Variants in MEGF11 observed in about 807,000 individuals in gnomAD.
MEGF11 encodes the protein multiple epidermal growth factor-like domains protein 11.
Under a neutral mutation model 146.6 loss-of-function variants are expected in MEGF11, and 126 were observed. That is an observed-to-expected ratio of 0.86 (90% CI 0.74 to 1.00). MEGF11 has a LOEUF of 1.00. Among genes scored for constraint, MEGF11 ranks in the 50% least tolerant of loss-of-function variants. The pLI is 0.00. For synonymous variants in MEGF11, 532 were observed against 583.4 expected (o/e 0.91, Z 1.27); for missense variants, 1,509 against 1,521.2 (o/e 0.99, Z 0.13).
intron 1 of MEGF11, among the ~76,000 whole-genome samples, chr15:66,170,033 G>T (rs747897613): frequency 6.6e-6 from 1 of 151,526 alleles, no homozygotes; most frequent in East Asian, 1.9e-4. Flanking sequence ...AAAAATTCCA[G>T]AATGAAACCT....
chr15:65,965,245 G>GCCT (rs1405201108), intron 8 of MEGF11, 125 bp from the exon 9 acceptor site: 1 of 700,156 alleles, frequency 1.4e-6, no homozygotes, highest in Non-Finnish European at 2.3e-6. Context: ...GCTGCTCACA[G>GCCT]CCTCCTCCCC....
intron 4 of MEGF11, among the ~76,000 whole-genome samples, chr15:66,098,716 C>T (rs2086655431): frequency 6.6e-6 from 1 of 152,204 alleles, no homozygotes. Flanking sequence ...TTGGATTCAG[C>T]TTGGAAATAA....
intron 1 of MEGF11, among the ~76,000 whole-genome samples, chr15:66,135,493 T>C (rs918107360): frequency 6.6e-6 from 1 of 152,008 alleles, no homozygotes; most frequent in Non-Finnish European, 1.5e-5. Flanking sequence ...TAGGAGAGGG[T>C]AGTAGACCCA....
At chr15:65,932,556 G>A (rs1194502671) in intron 10 of MEGF11, among the ~76,000 whole-genome samples, 4 of 152,128 alleles carry the variant, frequency 2.6e-5, no homozygotes, top group African/African-American at 9.7e-5. Context: ...GGGGATCCAG[G>A]TAGGAAGAGG....
intron 5 of MEGF11, among the ~76,000 whole-genome samples, chr15:66,018,318 C>T (rs545115174): frequency 1.4e-4 from 21 of 152,336 alleles, no homozygotes; most frequent in African/African-American, 3.6e-4. Flanking sequence ...AGAGTCCTTC[C>T]GCCTTGCCCA....
intron 1 of MEGF11, among the ~76,000 whole-genome samples, chr15:66,149,524 G>A (rs2089487861): frequency 6.6e-6 from 1 of 152,038 alleles, no homozygotes; most frequent in Admixed American, 6.5e-5. Context: ...TCTTTCCACT[G>A]TCACACCCCC....
intron 5 of MEGF11, among the ~76,000 whole-genome samples, chr15:66,023,139 T>TGAA (rs2083211292): frequency 9.3e-5 from 1 of 10,806 alleles, no homozygotes; most frequent in Admixed American, 7.6e-4. Context: ...AGACTCCATC[T>TGAA]CAAAAAAAAA....
At chr15:66,022,109 G>A (rs2083159222) in intron 5 of MEGF11, among the ~76,000 whole-genome samples, 1 of 152,234 alleles carries the variant, frequency 6.6e-6, no homozygotes, top group Non-Finnish European at 1.5e-5. Context: ...AAAGACCCAT[G>A]CAGCGAGAAC....
chr15:65,951,687 AAAACAAAC>A (rs373886919), intron 10 of MEGF11, among the ~76,000 whole-genome samples: 3,879 of 149,842 alleles, frequency 0.026, 72 homozygotes, highest in Non-Finnish European at 0.039. Flanking sequence ...AGTCCATCTC[AAAACAAAC>A]AAACAAACAA....
intron 5 of MEGF11, among the ~76,000 whole-genome samples, chr15:66,064,302 G>C (rs1316465618): frequency 6.6e-6 from 1 of 152,036 alleles, no homozygotes; most frequent in Non-Finnish European, 1.5e-5. Context: ...CCAGGAGGTG[G>C]AGGTTACAGT....
At chr15:66,208,711 G>A (rs572226701) in intron 1 of MEGF11, among the ~76,000 whole-genome samples, 71 of 151,928 alleles carry the variant, frequency 4.7e-4, no homozygotes, top group African/African-American at 1.6e-3. Flanking sequence ...GCGAAACCCC[G>A]TCTCTACTAA....
chr15:66,102,923 T>G (rs1312424003), intron 4 of MEGF11, among the ~76,000 whole-genome samples: 1 of 152,248 alleles, frequency 6.6e-6, no homozygotes, highest in Non-Finnish European at 1.5e-5. Context: ...CAGCACTTAC[T>G]GTGTGCCACA....
chr15:65,942,974 C>CTTTTTTTTTTTT (rs58874869), intron 10 of MEGF11, among the ~76,000 whole-genome samples: 1 of 47,620 alleles, frequency 2.1e-5, no homozygotes, highest in Non-Finnish European at 3.5e-5. Flanking sequence ...AACAACTTGG[C>CTTTTTTTTTTTT]TTTTTTTTTT....
chr15:66,093,916 G>A (rs2086426192), intron 5 of MEGF11, among the ~76,000 whole-genome samples: 3 of 152,102 alleles, frequency 2.0e-5, no homozygotes, highest in South Asian at 2.1e-4. Context: ...CTGCCCCTGC[G>A]AGTGTCCTGT....
intron 22 of MEGF11, 53 bp from the exon 23 acceptor site, chr15:65,909,188 C>T (rs2078718830): frequency 7.8e-7 from 1 of 1,274,580 alleles, no homozygotes; most frequent in Non-Finnish European, 1.1e-6. Flanking sequence ...CCTGGTATAG[C>T]AGGGGAAGGG....
intron 1 of MEGF11, among the ~76,000 whole-genome samples, chr15:66,231,718 A>G (rs1050540080): frequency 3.3e-5 from 5 of 152,138 alleles, no homozygotes; most frequent in African/African-American, 1.2e-4. Flanking sequence ...AGCTATAGTG[A>G]TGCTTAATCA....
chr15:66,051,503 G>A (rs572055904), intron 5 of MEGF11, among the ~76,000 whole-genome samples: 38 of 152,326 alleles, frequency 2.5e-4, no homozygotes, highest in South Asian at 6.2e-4. Context: ...AAAAAGCACA[G>A]AGGGAAGACA....
intron 5 of MEGF11, among the ~76,000 whole-genome samples, chr15:66,008,379 T>G (rs1457072720): frequency 6.7e-6 from 1 of 148,334 alleles, no homozygotes; most frequent in Non-Finnish European, 1.5e-5. Context: ...ACTAAGTCAT[T>G]CACGATGAAA....
At chr15:66,109,613 A>T (rs892842588) in intron 4 of MEGF11, among the ~76,000 whole-genome samples, 22 of 152,236 alleles carry the variant, frequency 1.4e-4, no homozygotes, top group Admixed American at 1.4e-3. Flanking sequence ...TCGGGGGCAC[A>T]CAGCTAGCAG....
Sources: allele counts gnomAD v4.1 joint callset (sites outside exome capture counted in the v4.1 genomes callset), GRCh38; gene constraint gnomAD v4.1.1; transcripts MANE v1.5; gene names NCBI Gene and HGNC (gene_info 2026-07-23, HGNC 2026-07-21).